FAT3: variants seen among roughly 807,000 people sequenced by gnomAD.
FAT3 encodes the protein FAT atypical cadherin 3.
Under a neutral mutation model 310.2 loss-of-function variants are expected in FAT3, and 95 were observed. That is an observed-to-expected ratio of 0.31 (90% CI 0.26 to 0.36). The LOEUF (loss-of-function observed/expected upper bound fraction) is 0.36, where lower values mean the gene tolerates loss of function less well. Ranked by LOEUF, FAT3 falls within the 10% of genes least tolerant of loss-of-function variation. FAT3 has a pLI of 1.00. For synonymous variants in FAT3, 2,314 were observed against 2,192.9 expected, an observed-to-expected ratio of 1.06 and a Z score of -1.54; for missense variants, 5,408 against 5,715.6, an observed-to-expected ratio of 0.95 and a Z score of 1.74.
intron 7 of FAT3, among the ~76,000 whole-genome samples, chr11:92,787,904 A>G (rs1241735397): frequency 1.3e-5 from 2 of 152,060 alleles, no homozygotes; most frequent in East Asian, 3.8e-4. Flanking sequence ...AATGAGATTA[A>G]GTAAAAACCT....
chr11:92,322,979 T>C (rs1038759849), intron 1 of FAT3, among the ~76,000 whole-genome samples: 12 of 152,062 alleles, frequency 7.9e-5, no homozygotes, highest in African/African-American at 2.9e-4. Flanking sequence ...ATGATTTTTT[T>C]CTCCAAAATG....
chr11:92,342,220 T>A (rs1948282664), intron 1 of FAT3, among the ~76,000 whole-genome samples: 1 of 152,180 alleles, frequency 6.6e-6, no homozygotes, highest in African/African-American at 2.4e-5. Flanking sequence ...TCTTGGCGTT[T>A]CCATTCTTTG....
intron 13 of FAT3, among the ~76,000 whole-genome samples, chr11:92,828,314 A>G (rs1292305215): frequency 6.6e-6 from 1 of 152,172 alleles, no homozygotes; most frequent in East Asian, 1.9e-4. Flanking sequence ...ATTGGCGACT[A>G]TGCTTCTGAC....
intron 3 of FAT3, among the ~76,000 whole-genome samples, chr11:92,630,692 ATTTCTTGGATGTGT>A (rs1941525909): frequency 6.6e-6 from 1 of 152,098 alleles, no homozygotes; most frequent in African/African-American, 2.4e-5. Flanking sequence ...CCTCCTAAAT[ATTTCTTGGATGTGT>A]TTTCTCCTCT....
chr11:92,486,100 CAT>C (rs1318256887), intron 2 of FAT3, among the ~76,000 whole-genome samples: 1 of 122,930 alleles, frequency 8.1e-6, no homozygotes, highest in African/African-American at 3.1e-5. Flanking sequence ...TCTAAGGACT[CAT>C]ATGTGAAATA....
chr11:92,465,099 G>A (rs547490097), intron 2 of FAT3, among the ~76,000 whole-genome samples: 1 of 152,252 alleles, frequency 6.6e-6, no homozygotes, highest in South Asian at 2.1e-4. Context: ...TGCAGTTAGG[G>A]TAACTAATAT....
rs754643929 is a variant in FAT3, at chr11:92,866,899, G to A, written c.11817G>A (p.Glu3939=). ...TSLSLDDSYV[E]RRRAPLYFQT... ...TGTCCCTGGATGACAGCTACGTGGAGCGGCGCCGGGCGCCCCTCTACTTCC... is the reference window on the plus strand; with the variant it reads ...TGTCCCTGGATGACAGCTACGTGGAACGGCGCCGGGCGCCCCTCTACTTCC... The change falls in exon 22 of 28, where the codon GAG becomes GAA. Residue 3939 remains glutamate, a synonymous_variant. Transcript: ENST00000525166. The A allele has an allele frequency of 8.7e-6, 14 of 1,613,980 alleles. No individual in the cohort carries two copies. The East Asian group carries it at 3.1e-4, about 36-fold the overall frequency.
chr11:92,400,783 A>C (rs1949996172), intron 2 of FAT3: 1 of 152,108 alleles, frequency 6.6e-6, no homozygotes, highest in Non-Finnish European at 1.5e-5. Context: ...ATGAACAGCA[A>C]ATGAGAGGAA....
Position 92,798,357 on chromosome 11 carries a change from G to T in FAT3, c.5344G>T (p.Ala1782Ser), listed in dbSNP as rs1297152689. The part of the protein sequence containing the change: ...SQYSGSLSEA[A>S]PINSIVRSLD... The stretch of plus-strand genomic sequence containing the variant: ...ATACTCAGGCAGCCTAAGTGAGGCT[G>T]CCCCAATTAATAGCATTGTCAGGAG... The change falls in exon 10 of 28, where the codon GCC (alanine) becomes TCC (serine). Residue 1782 changes from alanine to serine, a missense_variant. Coordinates refer to ENST00000525166, the MANE Select transcript of FAT3 (RefSeq NM_001367949.2). 6.8e-6 allele frequency: 11 copies of T among 1,613,512 alleles called. No homozygotes were observed. The highest frequency in any genetic ancestry group is 2.2e-5 in the East Asian group (1 of 44,792).
intron 2 of FAT3, among the ~76,000 whole-genome samples, chr11:92,432,228 G>A (rs1389886672): frequency 6.6e-6 from 1 of 152,102 alleles, no homozygotes; most frequent in African/African-American, 2.4e-5. Context: ...CTTGTAAGTT[G>A]GATTCCTAGG....
At chr11:92,887,765 G>A (rs1418960367) in intron 25 of FAT3, among the ~76,000 whole-genome samples, 1 of 152,094 alleles carries the variant, frequency 6.6e-6, no homozygotes, top group Admixed American at 6.5e-5. Flanking sequence ...GTTGGACTGG[G>A]TTTTCTGAGC....
At chr11:92,645,684 T>G (rs952086725) in intron 3 of FAT3, among the ~76,000 whole-genome samples, 25 of 152,366 alleles carry the variant, frequency 1.6e-4, no homozygotes, top group African/African-American at 5.3e-4. Context: ...CTGTGTTGTG[T>G]GTGCATAGAA....
intron 8 of FAT3, among the ~76,000 whole-genome samples, chr11:92,791,872 G>A (rs1314095039): frequency 6.6e-6 from 1 of 152,080 alleles, no homozygotes; most frequent in African/African-American, 2.4e-5. Flanking sequence ...TGCCAAGCAA[G>A]GTTTTTTGGT....
chr11:92,333,898 C>A (rs967969478), intron 1 of FAT3, among the ~76,000 whole-genome samples: 7 of 152,018 alleles, frequency 4.6e-5, no homozygotes, highest in African/African-American at 1.7e-4. Flanking sequence ...CCCCTCCCCC[C>A]CAACAAAAGC....
chr11:92,383,694 C>A (rs546821533), intron 2 of FAT3, among the ~76,000 whole-genome samples: 48 of 152,286 alleles, frequency 3.2e-4, no homozygotes, highest in Admixed American at 8.5e-4. Context: ...TGTCATTTGG[C>A]CCACATTTTT....
At chr11:92,725,876 T>C (rs1944983537) in intron 4 of FAT3, among the ~76,000 whole-genome samples, 1 of 152,208 alleles carries the variant, frequency 6.6e-6, no homozygotes, top group Non-Finnish European at 1.5e-5. Flanking sequence ...TGGAGAGACT[T>C]TCCATGTCTC....
intron 2 of FAT3, among the ~76,000 whole-genome samples, chr11:92,405,443 G>A (rs906585646): frequency 6.6e-6 from 1 of 152,158 alleles, no homozygotes; most frequent in African/African-American, 2.4e-5. Flanking sequence ...CTTTCCAGTG[G>A]CTTCTAAGGA....
At chr11:92,600,320 T>G (rs1939953226) in intron 3 of FAT3, among the ~76,000 whole-genome samples, 1 of 152,218 alleles carries the variant, frequency 6.6e-6, no homozygotes, top group Non-Finnish European at 1.5e-5. Flanking sequence ...AAACTTCTAA[T>G]TACTCCTGAT....
At chr11:92,333,311 T>G (rs1947966311) in intron 1 of FAT3, among the ~76,000 whole-genome samples, 1 of 152,196 alleles carries the variant, frequency 6.6e-6, no homozygotes, top group African/African-American at 2.4e-5. Context: ...TACAAATATT[T>G]ATTATAATAG....
Sources: allele counts gnomAD v4.1 joint callset (sites outside exome capture counted in the v4.1 genomes callset), GRCh38; gene constraint gnomAD v4.1.1; transcripts MANE v1.5; gene names NCBI Gene and HGNC (gene_info 2026-07-23, HGNC 2026-07-21).